The following SLC10A6 variants were observed in gnomAD, a reference collection of about 807,000 sequenced individuals.
SLC10A6 encodes the protein solute carrier family 10 member 6, also known as sodium-dependent organic anion transporter.
Under a neutral mutation model 30.0 loss-of-function variants are expected in SLC10A6, and 27 were observed. The observed-to-expected ratio is 0.90, with a 90% confidence interval of 0.66 to 1.24. The LOEUF (loss-of-function observed/expected upper bound fraction) is 1.24. Among genes scored for constraint, SLC10A6 ranks in the 50% most tolerant of loss-of-function variants. The pLI is 0.00. For missense variants in SLC10A6, 439 were observed against 457.0 expected (o/e 0.96, Z 0.36); for synonymous variants, 166 against 173.8 (o/e 0.95, Z 0.36).
chr4:86,835,761 GAAAGAAAAGA>G (rs913635445), intron 1 of SLC10A6, among the ~76,000 whole-genome samples: 1 of 151,234 alleles, frequency 6.6e-6, no homozygotes, highest in Non-Finnish European at 1.5e-5. Context: ...GAGAGAGAGA[GAAAGAAAAGA>G]AAAGAAAAGG....
rs78773949 is a variant in SLC10A6 at position 86,832,690 on chromosome 4, C to T, written c.496+616G>A. ...TCACCACATTTCTCTTCTAAGCTTG[C>T]TAAACCCACAGAGATCTTTAGGAAA... is the stretch of plus-strand genomic sequence containing the variant. On this transcript the variant is annotated intron_variant, in intron 2 of 5. Coordinates refer to ENST00000273905, the MANE Select transcript of SLC10A6 (RefSeq NM_197965.3). Among the ~76,000 whole-genome samples the T allele has an allele frequency of 7.1e-3, 1,084 of 152,090 alleles. 19 individuals are homozygous for T. The highest frequency in any genetic ancestry group is 0.025 in the African/African-American group (1,020 of 41,472).
chr4:86,837,540 G>T (rs1385850656), intron 1 of SLC10A6: 1 of 941,000 alleles, frequency 1.1e-6, no homozygotes, highest in African/African-American at 1.8e-5. Flanking sequence ...AAAAATCAGG[G>T]AGGATGAGAA....
chr4:86,837,986 T>C (rs1746229516), intron 1 of SLC10A6, among the ~76,000 whole-genome samples: 1 of 152,184 alleles, frequency 6.6e-6, no homozygotes, highest in African/African-American at 2.4e-5. Context: ...CTGTCACTCT[T>C]CCTCCTAATA....
chr4:86,845,071 A>T lies in SLC10A6; in HGVS notation c.377+3668T>A, dbSNP rs184800945. 7.4e-3 allele frequency among the ~76,000 whole-genome samples: 1,131 copies of T among 152,244 alleles called. 11 individuals carry two copies. Among genetic ancestry groups the T allele is most frequent in the Middle Eastern group, 0.01 (3 of 294 alleles). Reference sequence around the variant, plus strand: ...GGGTGGGGACACAGAGCCAAACCATATCACCACCCAAGACCAGTCTACATT... The same window carrying T: ...GGGTGGGGACACAGAGCCAAACCATTTCACCACCCAAGACCAGTCTACATT... On this transcript the variant is annotated intron_variant, in intron 1 of 5. Coordinates refer to ENST00000273905, the MANE Select transcript of SLC10A6 (RefSeq NM_197965.3).
At chr4:86,844,298 C>A (rs1746357309) in intron 1 of SLC10A6, among the ~76,000 whole-genome samples, 1 of 152,132 alleles carries the variant, frequency 6.6e-6, no homozygotes, top group South Asian at 2.1e-4. Flanking sequence ...TTTCCAGAGC[C>A]CTTAACTACT....
intron 1 of SLC10A6, among the ~76,000 whole-genome samples, chr4:86,842,786 T>TTTCTTTCTTTC (rs1746312918): frequency 9.4e-6 from 1 of 106,696 alleles, no homozygotes; most frequent in Non-Finnish European, 1.9e-5. Context: ...TGGACACCTC[T>TTTCTTTCTTTC]TTTCTTTCTT....
Position 86,831,874 on chromosome 4 carries a change from G to T in SLC10A6, c.503C>A (p.Thr168Asn). Residue 168 changes from threonine (T) to asparagine (N), a missense_variant, in exon 3 of 6, where the codon ACC (threonine) becomes AAC (asparagine). By Grantham distance (65) the Thr-to-Asn change is moderately conservative (BLOSUM62 0). Coordinates refer to ENST00000273905, the MANE Select transcript of SLC10A6 (RefSeq NM_197965.3). ...CACAGGAATGGTCAGGCACACAAGG[G>T]TAATTCCTAAAGAGAAGAAAAATCC... ...LTIPYQNIGI[T>N]LVCLTIPVAF... 6.2e-7 allele frequency: 1 copy of T among 1,612,456 alleles called. No homozygotes were observed. The highest frequency in any genetic ancestry group is 8.5e-7 in the Non-Finnish European group (1 of 1,179,004).
intron 1 of SLC10A6, among the ~76,000 whole-genome samples, chr4:86,835,663 T>C (rs778423643): frequency 1.5e-5 from 2 of 136,900 alleles, no homozygotes; most frequent in Non-Finnish European, 3.1e-5. Flanking sequence ...TGAAACTCCA[T>C]CTCAAAAAAA....
chr4:86,833,361 G>C lies in SLC10A6; in HGVS notation c.441C>G (p.Leu147=). Residue 147 remains leucine (L), a synonymous_variant, in exon 2 of 6, where the codon CTC becomes CTG. Transcript: ENST00000273905. ...ALGMMPLCIY[L]YTWSWSLQQN... is the part of the protein sequence containing the mutation. ...GCTGAAGACTCCAGGACCAGGTGTA[G>C]AGATAAATGCAGAGTGGCATCATTC... The C allele has an allele frequency of 6.2e-7, 1 of 1,614,138 alleles. No homozygotes were observed.
At chr4:86,843,110 A>G (rs1256185818) in intron 1 of SLC10A6, among the ~76,000 whole-genome samples, 1 of 151,928 alleles carries the variant, frequency 6.6e-6, no homozygotes, top group African/African-American at 2.4e-5. Flanking sequence ...ACCTCAAGTG[A>G]TCTGCCCATC....
intron 3 of SLC10A6, among the ~76,000 whole-genome samples, chr4:86,831,412 A>G (rs1279260557): frequency 2.6e-5 from 4 of 152,200 alleles, no homozygotes; most frequent in Non-Finnish European, 5.9e-5. Flanking sequence ...GAAACCAGCC[A>G]TATTACTAAA....
At chr4:86,830,363 AC>A (rs1432110572) in intron 3 of SLC10A6, among the ~76,000 whole-genome samples, 1 of 152,152 alleles carries the variant, frequency 6.6e-6, no homozygotes, top group Non-Finnish European at 1.5e-5. Flanking sequence ...GTGTCATTGC[AC>A]TCCAGCCTGA....
At chr4:86,837,231 GAA>G (rs773617732) in intron 1 of SLC10A6, among the ~76,000 whole-genome samples, 16 of 85,932 alleles carry the variant, frequency 1.9e-4, no homozygotes, top group South Asian at 4.3e-4. Context: ...GAGAGAGAAA[GAA>G]AGAAAGAAAG....
chr4:86,835,922 T>C (rs1746177816), intron 1 of SLC10A6, among the ~76,000 whole-genome samples: 1 of 148,318 alleles, frequency 6.7e-6, no homozygotes, highest in South Asian at 2.1e-4. Flanking sequence ...AGTAAGGTGA[T>C]AGTGGGACAT....
Position 86,848,953 on chromosome 4 carries a change from T to C in SLC10A6, c.163A>G (p.Ile55Val). 1 of 1,614,058 alleles carries C rather than the reference T, an allele frequency of 6.2e-7. No homozygotes were observed. Among genetic ancestry groups the C allele is most frequent in the Non-Finnish European group, 8.5e-7 (1 of 1,180,004 alleles). Reference protein sequence around the residue: ...LMFSLGCSVEIRKLWSHIRRP... With the variant: ...LMFSLGCSVEVRKLWSHIRRP... ...CTGATGTGCGACCACAGCTTCCGGATCTCCACGGAACATCCCAAAGAGAAC... is the reference window on the plus strand; with the variant it reads ...CTGATGTGCGACCACAGCTTCCGGACCTCCACGGAACATCCCAAAGAGAAC... The change falls in exon 1 of 6, where the codon ATC becomes GTC. Residue 55 changes from isoleucine to valine, a missense_variant. By Grantham distance (29) the Ile-to-Val change is conservative (BLOSUM62 3). Transcript: ENST00000273905.
intron 2 of SLC10A6, among the ~76,000 whole-genome samples, chr4:86,832,843 G>T (rs1307006611): frequency 6.6e-6 from 1 of 152,134 alleles, no homozygotes; most frequent in Non-Finnish European, 1.5e-5. Context: ...CCAAGAAAAA[G>T]TCAAGGTTCG....
intron 3 of SLC10A6, among the ~76,000 whole-genome samples, chr4:86,829,154 T>C (rs913803021): frequency 6.6e-6 from 1 of 152,158 alleles, no homozygotes; most frequent in Admixed American, 6.6e-5. Flanking sequence ...CTCATGTCTG[T>C]AATCCCAGAA....
chr4:86,842,201 C>T (rs1394480223), intron 1 of SLC10A6, among the ~76,000 whole-genome samples: 3 of 152,086 alleles, frequency 2.0e-5, no homozygotes, highest in Non-Finnish European at 1.5e-5. Context: ...TAGACCTGAA[C>T]AATTTGAAGT....
chr4:86,825,397 C>A, intron 5 of SLC10A6, 23 bp downstream of exon 5: 3 of 1,566,972 alleles, frequency 1.9e-6, no homozygotes, highest in Non-Finnish European at 2.6e-6. Context: ...CAGTTATTTC[C>A]TACCCAATGG....
Sources: allele counts gnomAD v4.1 joint callset (sites outside exome capture counted in the v4.1 genomes callset), GRCh38; gene constraint gnomAD v4.1.1; transcripts MANE v1.5; gene names NCBI Gene and HGNC (gene_info 2026-07-23, HGNC 2026-07-21).